PLPP1: variants seen among roughly 807,000 people sequenced by gnomAD.
The protein encoded by PLPP1 is lipid phosphate phosphohydrolase 1a.
PLPP1 carries 24 observed loss-of-function variants against 31.2 expected under a neutral mutation model. That is an observed-to-expected ratio of 0.77 (90% CI 0.56 to 1.08). The LOEUF (loss-of-function observed/expected upper bound fraction) is 1.08. PLPP1 is among the 50% of genes least tolerant of loss of function. PLPP1 has a pLI of 0.00. For missense variants in PLPP1, 319 were observed against 342.7 expected (o/e 0.93, Z 0.55); for synonymous variants, 146 against 126.3 (o/e 1.16, Z -1.05).
At chr5:55,472,468 C>A (rs930223311) in intron 2 of PLPP1, among the ~76,000 whole-genome samples, 1 of 152,000 alleles carries the variant, frequency 6.6e-6, no homozygotes, top group African/African-American at 2.4e-5. Flanking sequence ...GATGTGGTGA[C>A]AGGCACCTGT....
chr5:55,487,953 C>A (rs996676866), intron 1 of PLPP1, among the ~76,000 whole-genome samples: 2 of 151,896 alleles, frequency 1.3e-5, no homozygotes, highest in Non-Finnish European at 2.9e-5. Context: ...CATGGTGAAA[C>A]CCTGTCTCTA....
At chr5:55,523,966 T>G (rs1158589068) in intron 1 of PLPP1, among the ~76,000 whole-genome samples, 2 of 152,234 alleles carry the variant, frequency 1.3e-5, no homozygotes, top group Non-Finnish European at 2.9e-5. Context: ...AATTGTCTTA[T>G]ATACACTGGT....
At chr5:55,438,899 TAA>T (rs879769388) in intron 4 of PLPP1, among the ~76,000 whole-genome samples, 29 of 133,310 alleles carry the variant, frequency 2.2e-4, no homozygotes, top group Admixed American at 2.3e-4. Flanking sequence ...AGACTCCGTC[TAA>T]AAAAAAAAAA....
rs112232831 is a variant in PLPP1 at position 55,425,992 on chromosome 5, G to C, written c.597C>G (p.Arg199=). 8.7e-5 allele frequency: 140 copies of C among 1,613,140 alleles called. 2 individuals carry two copies. The African/African-American group carries it at 1.6e-3, about 19-fold the overall frequency. ...RMKGDWARLL[R]PTLQFGLVAV... is the part of the protein sequence containing the mutation. The stretch of plus-strand genomic sequence containing the variant: ...CAACAAGACCAAATTGCAGTGTGGG[G>C]CGTAAGAGTCTTGCCCAGTCTCCCT... The change falls in exon 5 of 6, where the codon CGC becomes CGG. Residue 199 remains arginine (R), a synonymous_variant. Transcript: ENST00000307259.
intron 1 of PLPP1, among the ~76,000 whole-genome samples, chr5:55,527,566 G>C (rs939009199): frequency 2.0e-5 from 3 of 152,172 alleles, no homozygotes; most frequent in African/African-American, 7.2e-5. Flanking sequence ...ATCTGTTTTA[G>C]ACATAGATGG....
intron 1 of PLPP1, among the ~76,000 whole-genome samples, chr5:55,519,747 CAAA>C (rs528201029): frequency 8.1e-6 from 1 of 123,038 alleles, no homozygotes. Context: ...AATTCTGTCT[CAAA>C]AAAAAAAAAA....
At chr5:55,496,390 G>A (rs1006592425) in intron 1 of PLPP1, among the ~76,000 whole-genome samples, 2 of 152,038 alleles carry the variant, frequency 1.3e-5, no homozygotes, top group African/African-American at 2.4e-5. Context: ...AATAACCGCC[G>A]GGCGTGGTGG....
chr5:55,477,538 C>T (rs1009791493), intron 1 of PLPP1, among the ~76,000 whole-genome samples: 15 of 151,754 alleles, frequency 9.9e-5, no homozygotes, highest in Admixed American at 2.0e-4. Context: ...GGACTACAGG[C>T]ACCCACCACC....
intron 1 of PLPP1, among the ~76,000 whole-genome samples, chr5:55,532,881 G>C (rs575866760): frequency 6.6e-6 from 1 of 151,476 alleles, no homozygotes; most frequent in East Asian, 1.9e-4. Context: ...GCTTGAACCC[G>C]GGAAGCGGAG....
chr5:55,530,238 T>A (rs1003252720), intron 1 of PLPP1: 11 of 1,457,840 alleles, frequency 7.5e-6, no homozygotes, highest in Non-Finnish European at 6.7e-6. Flanking sequence ...AAATTCTCCA[T>A]AATCAAACTG....
At chr5:55,490,953 T>C in intron 1 of PLPP1, 1 of 1,604,954 alleles carries the variant, frequency 6.2e-7, no homozygotes, top group East Asian at 2.2e-5. Flanking sequence ...CTTATTAATT[T>C]ACTTACAGAG....
intron 2 of PLPP1, among the ~76,000 whole-genome samples, chr5:55,471,422 G>A (rs558822879): frequency 5.9e-5 from 9 of 152,116 alleles, no homozygotes; most frequent in South Asian, 2.1e-4. Context: ...GGGTGGTCTC[G>A]AACTCCTGAC....
Position 55,454,208 on chromosome 5 carries a change from T to A in PLPP1, c.492-12300A>T, listed in dbSNP as rs114359641. ...TGCTTCTGAGTTGCAATATATTATG[T>A]AAGAAAAAATAATTGATTAACATAA... On this transcript the variant is annotated intron_variant, in intron 3 of 5. Coordinates refer to ENST00000307259, the MANE Select transcript of PLPP1 (RefSeq NM_003711.4). 3.1e-3 allele frequency among the ~76,000 whole-genome samples: 465 copies of A among 152,214 alleles called. 1 individual carries two copies. The highest frequency in any genetic ancestry group is 0.011 in the African/African-American group (451 of 41,542).
chr5:55,487,580 G>A (rs1389516594), intron 1 of PLPP1, among the ~76,000 whole-genome samples: 1 of 151,852 alleles, frequency 6.6e-6, no homozygotes, highest in Non-Finnish European at 1.5e-5. Context: ...ATAAATCACT[G>A]CTTTAAAATA....
At chr5:55,458,897 A>AAAAAAAG (rs1752084336) in intron 3 of PLPP1, among the ~76,000 whole-genome samples, 3 of 131,472 alleles carry the variant, frequency 2.3e-5, no homozygotes, top group Non-Finnish European at 4.6e-5. Context: ...CAAAAAAAAA[A>AAAAAAAG]AAAAAAAAAA....
rs1214847101 is a variant in PLPP1, at chr5:55,425,122, G to C, written c.*84C>G. The C allele has an allele frequency of 4.0e-6, 6 of 1,496,248 alleles. No homozygotes were observed. Among genetic ancestry groups the C allele is most frequent in the Non-Finnish European group, 5.4e-6 (6 of 1,109,062 alleles). 92.7% of individuals were successfully genotyped at this position (1,496,248 alleles called of 1,614,324 possible). On this transcript the variant is annotated 3_prime_UTR_variant, in exon 6 of 6. Transcript: ENST00000307259. Reference sequence around the variant, plus strand: ...GAAGTCTTTAAAGGCTTGTACACCAGGAAGAAAGATGCATCCTCTTGCCTT... The same window carrying C: ...GAAGTCTTTAAAGGCTTGTACACCACGAAGAAAGATGCATCCTCTTGCCTT...
intron 1 of PLPP1, among the ~76,000 whole-genome samples, chr5:55,483,667 C>CT (rs1381843523): frequency 1.5e-4 from 7 of 47,820 alleles, no homozygotes; most frequent in African/African-American, 4.7e-4. Context: ...GGGAGACTGT[C>CT]TCAAAAAAAA....
chr5:55,432,122 T>C (rs1441729525), intron 4 of PLPP1, among the ~76,000 whole-genome samples: 1 of 147,814 alleles, frequency 6.8e-6, no homozygotes, highest in Non-Finnish European at 1.5e-5. Context: ...TTTTTTTTTT[T>C]TGGTAGAGAC....
At chr5:55,530,055 T>G in intron 1 of PLPP1, 1 of 654,600 alleles carries the variant, frequency 1.5e-6, no homozygotes, top group South Asian at 1.9e-5. Flanking sequence ...TGAATTACTT[T>G]TATTAATATA....
Sources: allele counts gnomAD v4.1 joint callset (sites outside exome capture counted in the v4.1 genomes callset), GRCh38; gene constraint gnomAD v4.1.1; transcripts MANE v1.5; gene names NCBI Gene and HGNC (gene_info 2026-07-23, HGNC 2026-07-21).